Variants in MICA observed in about 807,000 individuals in gnomAD.
The protein encoded by MICA is MHC class I polypeptide-related sequence A.
In MICA, 18 loss-of-function variants were observed where a neutral mutation model predicts 34.3. The observed-to-expected ratio is 0.52, with a 90% CI of 0.36 to 0.78. The LOEUF is 0.78. Among genes scored for constraint, MICA ranks in the 30% least tolerant of loss-of-function variants. The pLI is 0.00. For missense variants in MICA, 333 were observed against 409.4 expected, an observed-to-expected ratio of 0.81 and a Z score of 1.61; for synonymous variants, 135 against 156.9, an observed-to-expected ratio of 0.86 and a Z score of 1.04.
chr6:31,403,616 G>T lies in MICA; in HGVS notation c.-17G>T, dbSNP rs1186064789. 2 of 1,501,262 alleles carry T rather than the reference G, an allele frequency of 1.3e-6. No homozygotes were observed. Among genetic ancestry groups the T allele is most frequent in the Non-Finnish European group, 1.8e-6 (2 of 1,127,838 alleles). The allele number at this position is 1,501,262 out of a possible 1,614,324, so 93.0% of individuals were successfully genotyped here. On this transcript the variant is annotated 5_prime_UTR_variant, in exon 1 of 6. Transcript: ENST00000449934. This position sits in a 1 kb window ranked among gnomAD's most constrained non-coding sequence, Gnocchi z 4.7. The stretch of plus-strand genomic sequence containing the variant: ...GGCCACTGCTTGAGCCGCTGAGAGG[G>T]TGGCGACGTCGGGGCCATGGGGCTG...
At chr6:31,403,572 T>C (rs1582661448), upstream of MICA, 3 of 1,384,990 alleles carry the variant, frequency 2.2e-6, no homozygotes, top group East Asian at 8.8e-5. The surrounding 1 kb of genome is among the most constrained non-coding windows in gnomAD (Gnocchi z 4.7). Flanking sequence ...TGACTAAGTT[T>C]CCGCGGCGCC....
rs189228354 is a variant in MICA at position 31,404,521 on chromosome 6, C to T, written c.70+819C>T. 7.9e-5 allele frequency among the ~76,000 whole-genome samples: 12 copies of T among 151,854 alleles called. 1 individual carries two copies. The highest frequency in any genetic ancestry group is 2.1e-4 in the South Asian group (1 of 4,806). On this transcript the variant is annotated intron_variant, in intron 1 of 5. Coordinates refer to ENST00000449934, the MANE Select transcript of MICA (RefSeq NM_001177519.3). ...ATCCATTTCTAGGGTGTCCTCTGCC[C>T]TCATCCCCTGTCCCCGCCACCGAAG...
At position 31,415,016 on chromosome 6, in the gene MICA, C is replaced by G; in HGVS notation, c.*34C>G. The G allele has an allele frequency of 6.7e-7, 1 of 1,482,758 alleles. No homozygotes were observed. The highest frequency in any genetic ancestry group is 9.3e-7 in the Non-Finnish European group (1 of 1,070,218). 91.9% of individuals were successfully genotyped at this position (1,482,758 alleles called of 1,614,324 possible). On this transcript the variant is annotated 3_prime_UTR_variant, in exon 6 of 6. Transcript: ENST00000449934. ...CCATTTCCCTCTTTTCTCCAGAGCT[C>G]GTGAGCCTGCAGGTCCTGGATCAAC...
chr6:31,410,917 G>A, intron 2 of MICA, 120 bp downstream of exon 2: 4 of 1,470,994 alleles, frequency 2.7e-6, no homozygotes, highest in Non-Finnish European at 3.6e-6. Context: ...AGGAATGGGG[G>A]TCAGTGGAAC....
chr6:31,413,287 C>T (rs1013604432), intron 5 of MICA, among the ~76,000 whole-genome samples: 20 of 151,868 alleles, frequency 1.3e-4, no homozygotes, highest in Non-Finnish European at 2.9e-4. Context: ...TGTTTTCATC[C>T]TACCTCCGAG....
Position 31,415,012 on chromosome 6 carries a change from A to G in MICA, c.*30A>G, listed in dbSNP as rs41553217. On this transcript the variant is annotated splice_region_variant and 3_prime_UTR_variant, in exon 6 of 6. Coordinates refer to ENST00000449934, the MANE Select transcript of MICA (RefSeq NM_001177519.3). Reference sequence around the variant, plus strand: ...TTACCCATTTCCCTCTTTTCTCCAGAGCTCGTGAGCCTGCAGGTCCTGGAT... The same window carrying G: ...TTACCCATTTCCCTCTTTTCTCCAGGGCTCGTGAGCCTGCAGGTCCTGGAT... 2.0e-6 allele frequency: 3 copies of G among 1,485,648 alleles called. 1 individual carries two copies. Among genetic ancestry groups the G allele is most frequent in the Admixed American group, 3.4e-5 (2 of 58,168 alleles). The allele number at this position is 1,485,648 out of a possible 1,614,324, so 92.0% of individuals were successfully genotyped here.
In MICA at chr6:31,403,624, G is replaced by T. The variant is rs905045280; in HGVS notation, c.-9G>T. ...CTTGAGCCGCTGAGAGGGTGGCGAC[G>T]TCGGGGCCATGGGGCTGGGCCCGGT... On this transcript the variant is annotated 5_prime_UTR_variant, in exon 1 of 6. Coordinates refer to ENST00000449934, the MANE Select transcript of MICA (RefSeq NM_001177519.3). This position sits in a 1 kb window ranked among gnomAD's most constrained non-coding sequence, Gnocchi z 4.7. 1.7e-5 allele frequency: 26 copies of T among 1,505,624 alleles called. No homozygotes were observed. The highest frequency in any genetic ancestry group is 2.9e-5 in the African/African-American group (2 of 68,960). The allele number at this position is 1,505,624 out of a possible 1,614,324, so 93.3% of individuals were successfully genotyped here.
In MICA at chr6:31,410,733, G is replaced by A. The variant is rs1063632; in HGVS notation, c.261G>A (p.Arg87=). ...LGNKTWDRET[R]DLTGNGKDLR... is the part of the protein sequence containing the mutation. ...ATAAGACATGGGACAGAGAGACCAG[G>A]GACTTGACAGGGAACGGAAAGGACC... Residue 87 remains arginine (R), a synonymous_variant, in exon 2 of 6, where the codon AGG becomes AGA. Coordinates refer to ENST00000449934, the MANE Select transcript of MICA (RefSeq NM_001177519.3). 0.063 allele frequency: 100,986 copies of A among 1,604,506 alleles called. 3,853 individuals carry two copies. Among genetic ancestry groups the A allele is most frequent in the East Asian group, 0.1 (4,631 of 44,384 alleles).
chr6:31,407,594 T>G (rs984720593), intron 1 of MICA, among the ~76,000 whole-genome samples: 1 of 152,018 alleles, frequency 6.6e-6, no homozygotes, highest in African/African-American at 2.4e-5. Flanking sequence ...TTAGGTTTAT[T>G]CCTCAGTATT....
In MICA at chr6:31,409,583, TGC is replaced by T. The variant is rs202111231; in HGVS notation, c.71-959_71-958del. Among the ~76,000 whole-genome samples the T allele has an allele frequency of 2.8e-3, 430 of 151,996 alleles. 15 individuals are homozygous for T. In the East Asian group the frequency reaches 0.051, roughly 18 times the overall value. The stretch of plus-strand genomic sequence containing the variant: ...GTTGATTGCTTTTTCACTCTGATTG[TGC>T]CCTTTGATGCATAGATGTTTTGAAT... On this transcript the variant is annotated intron_variant, in intron 1 of 5. Transcript: ENST00000449934.
At chr6:31,407,341 A>G (rs1342039950) in intron 1 of MICA, among the ~76,000 whole-genome samples, 1 of 151,902 alleles carries the variant, frequency 6.6e-6, no homozygotes, top group Non-Finnish European at 1.5e-5. Flanking sequence ...GGTTCAAGCT[A>G]TTCTTCTGCC....
Position 31,412,272 on chromosome 6 carries a change from G to A in MICA, c.892+47G>A, listed in dbSNP as rs536988235. ...AGAGGGTCAGGCCAGGGTAGGGACA[G>A]CAGGGATGGCTGTGGCTCTCTGCCC... On this transcript the variant is annotated intron_variant, in intron 4 of 5. Coordinates refer to ENST00000449934, the MANE Select transcript of MICA (RefSeq NM_001177519.3). 815 of 1,606,300 alleles carry A rather than the reference G, an allele frequency of 5.1e-4. 6 individuals are homozygous for A. Among genetic ancestry groups the A allele is most frequent in the African/African-American group, 1.5e-3 (109 of 74,406 alleles).
rs1295029117 is a variant in MICA, at chr6:31,411,152, G to A, written c.406G>A (p.Asp136Asn). ...CAGGAGCTCCCAGCATTTCTACTAC[G>A]ATGGGGAGCTCTTCCTCTCCCAAAA... is the stretch of plus-strand genomic sequence containing the variant. ...STRSSQHFYY[D>N]GELFLSQNLE... The change falls in exon 3 of 6, where the codon GAT becomes AAT. Residue 136 changes from aspartate (D) to asparagine (N), a missense_variant. Transcript: ENST00000449934. This position sits in a 1 kb window ranked among gnomAD's most constrained non-coding sequence, Gnocchi z 4.3. 5.0e-6 allele frequency: 8 copies of A among 1,612,554 alleles called. No individual in the cohort carries two copies. Among genetic ancestry groups the A allele is most frequent in the East Asian group, 4.5e-5 (2 of 44,798 alleles).
chr6:31,405,390 C>A (rs1770696041), intron 1 of MICA, among the ~76,000 whole-genome samples: 1 of 151,008 alleles, frequency 6.6e-6, no homozygotes, highest in South Asian at 2.1e-4. Flanking sequence ...CTGGCCAGCA[C>A]CCCCACCCCT....
rs1484912232 is a variant in MICA, at chr6:31,410,689, G to C, written c.217G>C (p.Ala73Pro). 1 of 1,613,386 alleles carries C rather than the reference G, an allele frequency of 6.2e-7. No homozygotes were observed. Among genetic ancestry groups the C allele is most frequent in the South Asian group, 1.1e-5 (1 of 91,032 alleles). Reference sequence around the variant, plus strand: ...CAGGGCAAAGCCCCAGGGACAGTGGGCAGAAGATGTCCTGGGAAATAAGAC... The same window carrying C: ...CAGGGCAAAGCCCCAGGGACAGTGGCCAGAAGATGTCCTGGGAAATAAGAC... ...KCRAKPQGQW[A>P]EDVLGNKTWD... The change falls in exon 2 of 6, where the codon GCA becomes CCA. Residue 73 changes from alanine to proline, a missense_variant. Transcript: ENST00000449934.
intron 5 of MICA, 150 bp downstream of exon 5, chr6:31,412,610 G>A (rs74223475): frequency 0.18 from 106,466 of 583,036 alleles, 11,233 homozygotes; most frequent in African/African-American, 0.34. Flanking sequence ...AATGGGGGCA[G>A]CATCTCCATC....
chr6:31,411,835 G>A lies in MICA; in HGVS notation c.614-112G>A. The stretch of plus-strand genomic sequence containing the variant: ...AGAGTGAGGACAGACTTGCAGGTCA[G>A]GGGTCCCGGAGGGCTTCAGCCAGAG... On this transcript the variant is annotated intron_variant, in intron 3 of 5. Coordinates refer to ENST00000449934, the MANE Select transcript of MICA (RefSeq NM_001177519.3). The surrounding 1 kb of genome is among the most constrained non-coding windows in gnomAD (Gnocchi z 4.3). 1 of 1,454,538 alleles carries A rather than the reference G, an allele frequency of 6.9e-7. No individual in the cohort carries two copies. Among genetic ancestry groups the A allele is most frequent in the Non-Finnish European group, 9.1e-7 (1 of 1,098,150 alleles). 90.1% of individuals were successfully genotyped at this position (1,454,538 alleles called of 1,614,324 possible).
intron 1 of MICA, among the ~76,000 whole-genome samples, chr6:31,408,458 T>G (rs546566362): frequency 3.6e-4 from 55 of 152,092 alleles, no homozygotes; most frequent in Middle Eastern, 3.4e-3. Context: ...TGTGGTAAAT[T>G]ATACATTACA....
rs1298367173 is a variant in MICA at position 31,411,138 on chromosome 6, A to G, written c.392A>G (p.Gln131Arg). ...IHEDNSTRSS[Q>R]HFYYDGELFL... ...GAAGACAACAGCACCAGGAGCTCCC[A>G]GCATTTCTACTACGATGGGGAGCTC... is the stretch of plus-strand genomic sequence containing the variant. Residue 131 changes from glutamine to arginine, a missense_variant, in exon 3 of 6, where the codon CAG becomes CGG. Physicochemically the swap from Gln to Arg is conservative, Grantham distance 43. Transcript: ENST00000449934. The surrounding 1 kb of genome is among the most constrained non-coding windows in gnomAD (Gnocchi z 4.3). 21 of 1,612,054 alleles carry G rather than the reference A, an allele frequency of 1.3e-5. No individual in the cohort carries two copies. Among genetic ancestry groups the G allele is most frequent in the African/African-American group, 2.7e-5 (2 of 74,698 alleles).
Sources: allele counts gnomAD v4.1 joint callset (sites outside exome capture counted in the v4.1 genomes callset), GRCh38; gene constraint gnomAD v4.1.1; non-coding constraint Gnocchi (gnomAD v3.1); transcripts MANE v1.5; gene names NCBI Gene and HGNC (gene_info 2026-07-23, HGNC 2026-07-21).